The following INPP5D variants were observed in gnomAD, a reference collection of about 807,000 sequenced individuals.
INPP5D encodes the protein inositol polyphosphate-5-phosphatase D, also known as phosphatidylinositol 3,4,5-trisphosphate 5-phosphatase 1.
INPP5D carries 33 observed loss-of-function variants against 122.9 expected under a neutral mutation model. The observed-to-expected ratio is 0.27, with a 90% CI of 0.20 to 0.36. INPP5D has a LOEUF of 0.36. INPP5D is among the 10% of genes least tolerant of loss of function. The probability of loss-of-function intolerance (pLI) is 1.00; values close to 1 mark genes in which losing one functional copy is unlikely to be tolerated. For missense variants in INPP5D, 1,053 were observed against 1,412.7 expected (o/e 0.75, Z 4.08); for synonymous variants, 584 against 576.2 (o/e 1.01, Z -0.19).
In INPP5D at chr2:233,188,455, G is replaced by A. The variant is rs947412638; in HGVS notation, c.2359-1395G>A. ...TCCAAGAACCCCAGCTCTGGCCCTGGGTCTAGCTTAGAGCCTGACATCACC... is the reference window on the plus strand; with the variant it reads ...TCCAAGAACCCCAGCTCTGGCCCTGAGTCTAGCTTAGAGCCTGACATCACC... On this transcript the variant is annotated intron_variant, in intron 21 of 26. Coordinates refer to ENST00000445964, the MANE Select transcript of INPP5D (RefSeq NM_001017915.3). The surrounding 1 kb of genome is among the most constrained non-coding windows in gnomAD (Gnocchi z 4.7). 1.3e-5 allele frequency among the ~76,000 whole-genome samples: 2 copies of A among 152,124 alleles called. No homozygotes were observed. The highest frequency in any genetic ancestry group is 2.4e-5 in the African/African-American group (1 of 41,420).
At position 233,079,187 on chromosome 2, in the gene INPP5D, A is replaced by G. The variant is rs941290331; in HGVS notation, c.135-148A>G. The G allele has an allele frequency of 6.4e-6, 4 of 623,608 alleles. No individual in the cohort carries two copies. In the African/African-American group the frequency reaches 7.3e-5, roughly 11 times the overall value. The allele number at this position is 623,608 out of a possible 1,614,324, so 38.6% of individuals were successfully genotyped here. A position where few individuals can be genotyped will look rare whatever the true frequency, so the allele number is the denominator to read the frequency against. Reference sequence around the variant, plus strand: ...CCACGATTGCTGGACGTCAGGACTCACCTCCATCTTAAGAGAACGGTCAGC... The same window carrying G: ...CCACGATTGCTGGACGTCAGGACTCGCCTCCATCTTAAGAGAACGGTCAGC... On this transcript the variant is annotated intron_variant, in intron 1 of 26. Transcript: ENST00000445964.
intron 2 of INPP5D, among the ~76,000 whole-genome samples, chr2:233,093,236 G>C (rs73996021): frequency 1.1e-3 from 162 of 152,272 alleles, no homozygotes; most frequent in African/African-American, 3.7e-3. Flanking sequence ...TGAGGGTGAG[G>C]AAGTTCAAAT....
intron 1 of INPP5D, among the ~76,000 whole-genome samples, chr2:233,074,352 T>C (rs1691458811): frequency 6.6e-6 from 1 of 152,114 alleles, no homozygotes; most frequent in African/African-American, 2.4e-5. Context: ...CCTCAAGCTG[T>C]TGTGGGGGTG....
chr2:233,114,936 C>T (rs1196170702), intron 2 of INPP5D, among the ~76,000 whole-genome samples: 10 of 151,804 alleles, frequency 6.6e-5, no homozygotes, highest in Non-Finnish European at 1.5e-4. Context: ...GGCACAATCT[C>T]GGCTCACCAC....
At chr2:233,157,341 C>G (rs36183661) in intron 9 of INPP5D, among the ~76,000 whole-genome samples, 25,506 of 151,974 alleles carry the variant, frequency 0.17, 3,878 homozygotes, top group African/African-American at 0.4. Context: ...CCCAGAAGCT[C>G]TGGGAAAGGC....
chr2:233,186,754 G>T (rs1574796260), intron 21 of INPP5D, among the ~76,000 whole-genome samples: 9 of 83,966 alleles, frequency 1.1e-4, no homozygotes, highest in Admixed American at 1.8e-4. Flanking sequence ...ACAGAGTCTT[G>T]CTCTGTTGCC....
intron 2 of INPP5D, among the ~76,000 whole-genome samples, chr2:233,088,927 G>T (rs568141830): frequency 6.6e-6 from 1 of 152,318 alleles, no homozygotes; most frequent in East Asian, 1.9e-4. Context: ...AGGCGCGAGG[G>T]TCATGGAGGA....
intron 2 of INPP5D, among the ~76,000 whole-genome samples, chr2:233,117,495 T>C (rs7421448): frequency 0.83 from 126,405 of 152,152 alleles, 53,131 homozygotes; most frequent in Middle Eastern, 0.93. Context: ...ACTGCCCTGC[T>C]CGCATCCTGT....
chr2:233,165,184 G>C (rs542186446), intron 13 of INPP5D, among the ~76,000 whole-genome samples: 3 of 152,222 alleles, frequency 2.0e-5, no homozygotes, highest in African/African-American at 4.8e-5. Context: ...AGAGTTTATG[G>C]ATGTGTGTTT....
At chr2:233,199,595 C>T (rs567309823) in intron 25 of INPP5D, among the ~76,000 whole-genome samples, 69 of 151,132 alleles carry the variant, frequency 4.6e-4, no homozygotes, top group African/African-American at 1.1e-3. Flanking sequence ...TTTGGGAGGC[C>T]GAGGCAGACA....
chr2:233,071,706 A>G (rs1210867985), intron 1 of INPP5D, among the ~76,000 whole-genome samples: 1 of 152,200 alleles, frequency 6.6e-6, no homozygotes, highest in East Asian at 1.9e-4. Context: ...AATTTTCTTC[A>G]TATAGATCCT....
In INPP5D at chr2:233,186,012, C is replaced by T. The variant is rs1694904402; in HGVS notation, c.2358+87C>T. 2.9e-6 allele frequency: 4 copies of T among 1,377,834 alleles called. No homozygotes were observed. In the African/African-American group the frequency reaches 4.4e-5, roughly 15 times the overall value. The allele number at this position is 1,377,834 out of a possible 1,614,324, so 85.4% of individuals were successfully genotyped here. On this transcript the variant is annotated intron_variant, in intron 21 of 26. Coordinates refer to ENST00000445964, the MANE Select transcript of INPP5D (RefSeq NM_001017915.3). ...GCCAGTGGCAGAGCTATGGCCAGGC[C>T]TGACCAGAGGAAGCAGGAATCTCAT...
chr2:233,164,342 G>A lies in INPP5D; in HGVS notation c.1473G>A (p.Val491=). Residue 491 remains valine (V), a synonymous_variant, in exon 13 of 27, where the codon GTG becomes GTA. Coordinates refer to ENST00000445964, the MANE Select transcript of INPP5D (RefSeq NM_001017915.3). This position sits in a 1 kb window ranked among gnomAD's most constrained non-coding sequence, Gnocchi z 4.3. ...AIHTLWNIRI[V]VLAKPEHENR... ...ACACGCTCTGGAACATCCGCATCGTGGTGCTGGCCAAGCCTGAGCACGAGA... is the reference window on the plus strand; with the variant it reads ...ACACGCTCTGGAACATCCGCATCGTAGTGCTGGCCAAGCCTGAGCACGAGA... The A allele has an allele frequency of 6.4e-7, 1 of 1,552,208 alleles. No homozygotes were observed. Among genetic ancestry groups the A allele is most frequent in the Non-Finnish European group, 8.7e-7 (1 of 1,147,394 alleles).
chr2:233,143,994 GGAGGTGGTCATGATT>G (rs1693682273), intron 6 of INPP5D, among the ~76,000 whole-genome samples: 1 of 144,526 alleles, frequency 6.9e-6, no homozygotes, highest in African/African-American at 2.7e-5. Context: ...TGGTGATGGT[GGAGGTGGTCATGATT>G]ATGGTGAGAG....
chr2:233,174,861 T>C (rs1694578136), intron 17 of INPP5D, among the ~76,000 whole-genome samples: 1 of 151,724 alleles, frequency 6.6e-6, no homozygotes, highest in South Asian at 2.1e-4. Context: ...AATGCACCTA[T>C]TCTATGATTC....
In INPP5D at chr2:233,197,264, G is replaced by C. The variant is rs937002040; in HGVS notation, c.2694-831G>C. ...GTTGGGGCCACCTTGCCTGGGTCTG[G>C]GCCATCCCCTCCATAGCTTTAAGCT... On this transcript the variant is annotated intron_variant, in intron 24 of 26. Transcript: ENST00000445964. The surrounding 1 kb of genome is among the most constrained non-coding windows in gnomAD (Gnocchi z 4.4). Among the ~76,000 whole-genome samples, 4 of 152,110 alleles carry C rather than the reference G, an allele frequency of 2.6e-5. No individual in the cohort carries two copies. Among genetic ancestry groups the C allele is most frequent in the Non-Finnish European group, 5.9e-5 (4 of 68,020 alleles).
At chr2:233,165,118 T>A (rs1459653232) in intron 13 of INPP5D, among the ~76,000 whole-genome samples, 1 of 152,068 alleles carries the variant, frequency 6.6e-6, no homozygotes, top group Non-Finnish European at 1.5e-5. Context: ...TCTGTGTATG[T>A]GAGTTTGTGT....
At chr2:233,173,787 G>A (rs897704206) in intron 17 of INPP5D, among the ~76,000 whole-genome samples, 4 of 152,102 alleles carry the variant, frequency 2.6e-5, no homozygotes, top group Non-Finnish European at 5.9e-5. Flanking sequence ...ACAAAAATTA[G>A]CTAGGCGTAG....
At chr2:233,086,636 TGAACA>T (rs982513609) in intron 2 of INPP5D, among the ~76,000 whole-genome samples, 11 of 149,718 alleles carry the variant, frequency 7.3e-5, no homozygotes, top group Non-Finnish European at 1.6e-4. Flanking sequence ...TTGAATTTGC[TGAACA>T]GAATGAAGCA....
Sources: allele counts gnomAD v4.1 joint callset (sites outside exome capture counted in the v4.1 genomes callset), GRCh38; gene constraint gnomAD v4.1.1; non-coding constraint Gnocchi (gnomAD v3.1); transcripts MANE v1.5; gene names NCBI Gene and HGNC (gene_info 2026-07-23, HGNC 2026-07-21).